YIPF7: variants seen among roughly 807,000 people sequenced by gnomAD.
The protein encoded by YIPF7 is Yip1 domain family member 7, also known as protein YIPF7.
A neutral mutation model predicts 27.2 loss-of-function variants in YIPF7; 35 were observed. The observed-to-expected ratio is 1.29, with a 90% CI of 0.98 to 1.70. The LOEUF is 1.70. Among genes scored for constraint, YIPF7 ranks in the 40% most tolerant of loss-of-function variants. The pLI is 0.00. For synonymous variants in YIPF7, 137 were observed against 110.4 expected (o/e 1.24, Z -1.51); for missense variants, 358 against 303.7 (o/e 1.18, Z -1.33).
intron 4 of YIPF7, among the ~76,000 whole-genome samples, chr4:44,626,862 A>G (rs1372688886): frequency 7.5e-6 from 1 of 132,614 alleles, no homozygotes; most frequent in African/African-American, 2.9e-5. Context: ...TGCAAGCTCC[A>G]CCTCCTGGGT....
chr4:44,643,628 C>T (rs1357414706), intron 2 of YIPF7, among the ~76,000 whole-genome samples: 2 of 152,152 alleles, frequency 1.3e-5, no homozygotes, highest in East Asian at 3.9e-4. Flanking sequence ...GGCTCAGAGG[C>T]CTAGGAAGGA....
intron 2 of YIPF7, among the ~76,000 whole-genome samples, chr4:44,640,919 A>G (rs928806263): frequency 6.6e-6 from 1 of 152,006 alleles, no homozygotes; most frequent in Non-Finnish European, 1.5e-5. Flanking sequence ...GCTAAGATCT[A>G]GAATGGTGTC....
At chr4:44,650,501 G>GCC (rs1222180990) in intron 1 of YIPF7, among the ~76,000 whole-genome samples, 1 of 63,564 alleles carries the variant, frequency 1.6e-5, no homozygotes, top group South Asian at 5.9e-4. Context: ...ACATGCGCGC[G>GCC]CGCGCGCACA....
chr4:44,628,965 C>T (rs1712773302), intron 4 of YIPF7, among the ~76,000 whole-genome samples: 1 of 152,050 alleles, frequency 6.6e-6, no homozygotes, highest in Non-Finnish European at 1.5e-5. Flanking sequence ...TGTCTCGTAC[C>T]TCATAAGATG....
chr4:44,633,879 G>A (rs1238900718), intron 3 of YIPF7, among the ~76,000 whole-genome samples: 1 of 152,068 alleles, frequency 6.6e-6, no homozygotes, highest in East Asian at 1.9e-4. Context: ...TATGAGAAAT[G>A]TCAAAATTTT....
intron 2 of YIPF7, among the ~76,000 whole-genome samples, chr4:44,643,789 G>C (rs145521085): frequency 6.6e-6 from 1 of 152,160 alleles, no homozygotes; most frequent in Non-Finnish European, 1.5e-5. Context: ...TATAAGTCTT[G>C]GTGGCTTCTG....
upstream of YIPF7, among the ~76,000 whole-genome samples, chr4:44,656,364 G>C (rs1487050890): frequency 1.3e-5 from 2 of 151,724 alleles, no homozygotes; most frequent in Non-Finnish European, 2.9e-5. Context: ...TCAGTAAAAA[G>C]GAATAAAACT....
intron 2 of YIPF7, 73 bp from the exon 3 acceptor site, chr4:44,636,158 T>G: frequency 7.0e-7 from 1 of 1,421,446 alleles, no homozygotes; most frequent in South Asian, 1.5e-5. Context: ...AAATTACAAT[T>G]TTACTTACAT....
At chr4:44,624,191 A>G (rs1712540536) in intron 5 of YIPF7, among the ~76,000 whole-genome samples, 1 of 151,160 alleles carries the variant, frequency 6.6e-6, no homozygotes, top group Non-Finnish European at 1.5e-5. Flanking sequence ...CAGCCTCCCG[A>G]GTAGATGGGA....
rs527339569 is a variant in YIPF7, at chr4:44,630,043, C to T, written c.281-495G>A. Among the ~76,000 whole-genome samples the T allele has an allele frequency of 1.4e-4, 21 of 152,308 alleles. No homozygotes were observed. In the South Asian group the frequency reaches 3.9e-3, roughly 29 times the overall value. ...CCATGCTGGAGTGCAGTGGCACGAT[C>T]TCAGCTCCTCCGCCTCCTGGGTTCA... On this transcript the variant is annotated intron_variant, in intron 3 of 5. Coordinates refer to ENST00000415895, the MANE Select transcript of YIPF7 (RefSeq NM_182592.3).
chr4:44,660,071 G>GCCA (rs1475881965), intron 2 of YIPF7, among the ~76,000 whole-genome samples: 1 of 116,346 alleles, frequency 8.6e-6, no homozygotes, highest in Admixed American at 1.2e-4. Context: ...CGGAGATTGC[G>GCCA]CCACTGCACT....
At chr4:44,639,383 C>T (rs1713247583) in intron 2 of YIPF7, among the ~76,000 whole-genome samples, 1 of 151,992 alleles carries the variant, frequency 6.6e-6, no homozygotes, top group South Asian at 2.1e-4. Flanking sequence ...CATTGTTTGT[C>T]ATTTTCCTTG....
At chr4:44,634,201 A>G (rs559189042) in intron 3 of YIPF7, among the ~76,000 whole-genome samples, 3 of 152,344 alleles carry the variant, frequency 2.0e-5, no homozygotes, top group African/African-American at 7.2e-5. Context: ...ATTGTTTTCA[A>G]ATAATATTTA....
chr4:44,658,505 ACCCTGTTGTTATAAGAT>A (rs1306614239), intron 2 of YIPF7, among the ~76,000 whole-genome samples: 1 of 152,154 alleles, frequency 6.6e-6, no homozygotes, highest in African/African-American at 2.4e-5. Context: ...TCTCCCCACT[ACCCTGTTGTTATAAGAT>A]CAGAGAAAAG....
chr4:44,654,041 TCTCAGC>T (rs1196663383), upstream of YIPF7, among the ~76,000 whole-genome samples: 1 of 152,056 alleles, frequency 6.6e-6, no homozygotes, highest in African/African-American at 2.4e-5. Context: ...AAAAAATTAA[TCTCAGC>T]CTCAAGTGAA....
chr4:44,637,830 G>C (rs1713182617), intron 2 of YIPF7, among the ~76,000 whole-genome samples: 1 of 152,234 alleles, frequency 6.6e-6, no homozygotes, highest in Admixed American at 6.5e-5. Flanking sequence ...ACTTATAAGA[G>C]AGAACATACA....
intron 2 of YIPF7, among the ~76,000 whole-genome samples, chr4:44,645,431 C>T (rs942364993): frequency 1.3e-5 from 2 of 152,106 alleles, no homozygotes; most frequent in African/African-American, 4.8e-5. Context: ...TCTATTAAGC[C>T]TATAGTCCTT....
exon 2 of YIPF7, chr4:44,660,591 C>A (rs2109608510): frequency 6.6e-6 from 1 of 152,320 alleles, no homozygotes; most frequent in Non-Finnish European, 1.5e-5. Flanking sequence ...ATCACAGAAA[C>A]AAGTCATTCC....
At chr4:44,655,476 A>G (rs1047856225), upstream of YIPF7, among the ~76,000 whole-genome samples, 10 of 151,998 alleles carry the variant, frequency 6.6e-5, no homozygotes, top group South Asian at 2.1e-4. Flanking sequence ...GAATGTACCT[A>G]TTTAGGAACA....
Sources: gnomAD v4.1 joint callset for allele counts (sites outside exome capture counted in the v4.1 genomes callset) on GRCh38, gnomAD v4.1.1 for gene constraint, MANE v1.5 for transcripts, NCBI Gene and HGNC (gene_info 2026-07-23, HGNC 2026-07-21) for gene names.